The following ASTN2 variants were observed in gnomAD, a reference collection of about 807,000 sequenced individuals.
ASTN2 encodes astrotactin 2.
In ASTN2, 54 loss-of-function variants were observed where a neutral mutation model predicts 139.8. That is an observed-to-expected ratio of 0.39 (90% CI 0.31 to 0.48). The LOEUF is 0.48. ASTN2 is among the 20% of genes least tolerant of loss of function. The pLI is 0.95. For missense variants in ASTN2, 1,565 were observed against 1,725.1 expected, an observed-to-expected ratio of 0.91 and a Z score of 1.64; for synonymous variants, 756 against 719.5, an observed-to-expected ratio of 1.05 and a Z score of -0.81.
At chr9:117,161,488 G>C (rs1327638275) in intron 3 of ASTN2, among the ~76,000 whole-genome samples, 1 of 152,014 alleles carries the variant, frequency 6.6e-6, no homozygotes, top group African/African-American at 2.4e-5. Flanking sequence ...ATGCTTCCTG[G>C]GTTCAAGCAA....
intron 10 of ASTN2, among the ~76,000 whole-genome samples, chr9:116,965,770 A>AAG (rs1165071192): frequency 1.3e-5 from 2 of 152,180 alleles, no homozygotes; most frequent in Admixed American, 1.3e-4. Context: ...AAGGGCTTCC[A>AAG]TGCAGGAAGT....
chr9:116,464,927 T>G (rs545975579), intron 20 of ASTN2, among the ~76,000 whole-genome samples: 1 of 152,308 alleles, frequency 6.6e-6, no homozygotes, highest in East Asian at 1.9e-4. Context: ...GCAAAGAAGG[T>G]GCCTCTTCAA....
chr9:117,407,172 T>C (rs1167793274), intron 1 of ASTN2, among the ~76,000 whole-genome samples: 3 of 152,080 alleles, frequency 2.0e-5, no homozygotes, highest in Non-Finnish European at 4.4e-5. Flanking sequence ...GATGGTGAGG[T>C]AGAGGTGCCA....
intron 2 of ASTN2, among the ~76,000 whole-genome samples, chr9:117,282,447 G>C (rs566674876): frequency 6.6e-6 from 1 of 152,050 alleles, no homozygotes; most frequent in African/African-American, 2.4e-5. Context: ...CTTTATCATT[G>C]GCCCACACTA....
chr9:117,226,827 G>A (rs1316317807), intron 2 of ASTN2, among the ~76,000 whole-genome samples: 1 of 152,178 alleles, frequency 6.6e-6, no homozygotes, highest in African/African-American at 2.4e-5. Flanking sequence ...TCGGCAGAAT[G>A]AAGAGCCTTC....
At chr9:116,779,981 G>T (rs777813418) in intron 13 of ASTN2, among the ~76,000 whole-genome samples, 10 of 152,020 alleles carry the variant, frequency 6.6e-5, no homozygotes, top group Non-Finnish European at 1.3e-4. Flanking sequence ...GTATCAATCT[G>T]CTGAGTAGTT....
chr9:116,518,638 G>C (rs1850746544), intron 19 of ASTN2, among the ~76,000 whole-genome samples: 1 of 152,000 alleles, frequency 6.6e-6, no homozygotes, highest in African/African-American at 2.4e-5. Context: ...GCAACAAATA[G>C]CACAATAAAT....
intron 2 of ASTN2, among the ~76,000 whole-genome samples, chr9:117,271,983 G>A (rs1227421119): frequency 1.3e-5 from 2 of 152,256 alleles, no homozygotes; most frequent in Admixed American, 6.5e-5. Flanking sequence ...TCTTCTCACA[G>A]CTATACTAGG....
At chr9:116,452,380 C>T (rs1037219773) in intron 20 of ASTN2, among the ~76,000 whole-genome samples, 1 of 152,198 alleles carries the variant, frequency 6.6e-6, no homozygotes, top group African/African-American at 2.4e-5. Flanking sequence ...TTCACCTTGT[C>T]ATTAACTAGC....
Position 116,618,030 on chromosome 9 carries a change from C to T in ASTN2, c.3355+294G>A, listed in dbSNP as rs116028180. On this transcript the variant is annotated intron_variant, in intron 19 of 22. Coordinates refer to ENST00000313400, the MANE Select transcript of ASTN2 (RefSeq NM_001365068.1). Reference sequence around the variant, plus strand: ...CCCTTCAAGCATGAGTCCTGCAGGCCTTCCCAGATACAGAAAGGTCAAATT... The same window carrying T: ...CCCTTCAAGCATGAGTCCTGCAGGCTTTCCCAGATACAGAAAGGTCAAATT... 4.8e-3 allele frequency among the ~76,000 whole-genome samples: 729 copies of T among 152,280 alleles called. 6 individuals carry two copies. The highest frequency in any genetic ancestry group is 0.017 in the African/African-American group (707 of 41,554).
At chr9:117,300,222 C>T (rs1447981594) in intron 1 of ASTN2, among the ~76,000 whole-genome samples, 1 of 152,214 alleles carries the variant, frequency 6.6e-6, no homozygotes, top group Non-Finnish European at 1.5e-5. Flanking sequence ...TGACTACTAT[C>T]CTCACAGACT....
intron 19 of ASTN2, among the ~76,000 whole-genome samples, chr9:116,563,580 C>T (rs1853035838): frequency 6.6e-6 from 1 of 152,020 alleles, no homozygotes; most frequent in Non-Finnish European, 1.5e-5. Flanking sequence ...TCTCTCATCT[C>T]CTTCCGATCT....
chr9:117,385,913 A>G (rs1279526751), intron 1 of ASTN2, among the ~76,000 whole-genome samples: 3 of 152,184 alleles, frequency 2.0e-5, no homozygotes, highest in Non-Finnish European at 4.4e-5. Flanking sequence ...TTCTGGTGGC[A>G]GCAGGGAATG....
chr9:117,102,673 T>C (rs534799926), intron 4 of ASTN2, among the ~76,000 whole-genome samples: 3 of 151,914 alleles, frequency 2.0e-5, no homozygotes, highest in Non-Finnish European at 4.4e-5. Flanking sequence ...CAGGTGTGCA[T>C]CACCATGCCC....
chr9:117,275,582 T>C (rs1200924780), intron 2 of ASTN2, among the ~76,000 whole-genome samples: 1 of 150,606 alleles, frequency 6.6e-6, no homozygotes, highest in African/African-American at 2.4e-5. Flanking sequence ...TTTTTTTTTT[T>C]TGAGACGGAG....
At chr9:117,238,020 A>G (rs1186734530) in intron 2 of ASTN2, among the ~76,000 whole-genome samples, 4 of 152,154 alleles carry the variant, frequency 2.6e-5, no homozygotes, top group Non-Finnish European at 5.9e-5. Context: ...GTCATAGCTG[A>G]GGGAAGGTGA....
chr9:117,239,617 A>C (rs900807369), intron 2 of ASTN2, among the ~76,000 whole-genome samples: 1 of 152,176 alleles, frequency 6.6e-6, no homozygotes, highest in African/African-American at 2.4e-5. Context: ...TCATTAGCCC[A>C]AGCAATGCAG....
At chr9:117,378,413 G>T (rs1303286657) in intron 1 of ASTN2, among the ~76,000 whole-genome samples, 1 of 152,198 alleles carries the variant, frequency 6.6e-6, no homozygotes, top group African/African-American at 2.4e-5. Context: ...GTCTTGTTCA[G>T]GATGCTATCT....
chr9:116,547,158 G>A (rs1043426532), intron 19 of ASTN2, among the ~76,000 whole-genome samples: 2 of 152,154 alleles, frequency 1.3e-5, no homozygotes, highest in Non-Finnish European at 1.5e-5. Flanking sequence ...AGAAGACCAA[G>A]GTCACAAGGG....
Sources: allele counts gnomAD v4.1 joint callset (sites outside exome capture counted in the v4.1 genomes callset), GRCh38; gene constraint gnomAD v4.1.1; transcripts MANE v1.5; gene names NCBI Gene and HGNC (gene_info 2026-07-23, HGNC 2026-07-21).